The following CAST variants were observed in gnomAD, a reference collection of about 807,000 sequenced individuals.
CAST encodes the protein MIR583 host.
In CAST, 76 loss-of-function variants were observed where a neutral mutation model predicts 119.6. That is an observed-to-expected ratio of 0.64 (90% CI 0.53 to 0.77). The LOEUF (loss-of-function observed/expected upper bound fraction) is 0.77, where lower values mean the gene tolerates loss of function less well. Ranked by LOEUF, CAST falls within the 30% of genes least tolerant of loss-of-function variation. The probability of loss-of-function intolerance (pLI) is 0.00; values close to 1 mark genes in which losing one functional copy is unlikely to be tolerated. For synonymous variants in CAST, 319 were observed against 331.6 expected, an observed-to-expected ratio of 0.96 and a Z score of 0.41; for missense variants, 953 against 946.5, an observed-to-expected ratio of 1.01 and a Z score of -0.09.
At chr5:96,133,961 T>TG in the CAST span, among the ~76,000 whole-genome samples, 1 of 152,296 alleles carries the variant, frequency 6.6e-6, no homozygotes. Flanking sequence ...CAAGGTTCTG[T>TG]GAGAGGTTTT....
intron 2 of CAST, among the ~76,000 whole-genome samples, chr5:96,677,391 A>G (rs1247521170): frequency 6.6e-6 from 1 of 152,230 alleles, no homozygotes; most frequent in Non-Finnish European, 1.5e-5. Flanking sequence ...TACAGGCATT[A>G]TTGGTATGTA....
chr5:96,435,099 A>T, the CAST span, among the ~76,000 whole-genome samples: 1 of 152,192 alleles, frequency 6.6e-6, no homozygotes, highest in Non-Finnish European at 1.5e-5. Context: ...TTCTCACAGC[A>T]GACAGACACT....
the CAST span, among the ~76,000 whole-genome samples, chr5:96,094,234 T>C: frequency 6.6e-6 from 1 of 152,204 alleles, no homozygotes; most frequent in African/African-American, 2.4e-5. Flanking sequence ...CTCTGACTAA[T>C]AATGTAGTCA....
chr5:96,123,252 A>G, the CAST span, among the ~76,000 whole-genome samples: 1 of 152,164 alleles, frequency 6.6e-6, no homozygotes, highest in African/African-American at 2.4e-5. Flanking sequence ...CCATTATTTT[A>G]TCATGTTCTT....
the CAST span, among the ~76,000 whole-genome samples, chr5:96,024,278 AT>A: frequency 6.6e-6 from 1 of 152,366 alleles, no homozygotes; most frequent in African/African-American, 2.4e-5. Flanking sequence ...GGCTAAAAAA[AT>A]AATCCAGAAG....
intron 1 of CAST, among the ~76,000 whole-genome samples, chr5:96,641,632 T>C (rs1225475780): frequency 6.6e-6 from 1 of 152,172 alleles, no homozygotes; most frequent in African/African-American, 2.4e-5. Context: ...GCTAGTGTGT[T>C]CCAGCCATGC....
At chr5:96,424,527 A>G in the CAST span, among the ~76,000 whole-genome samples, 49 of 152,318 alleles carry the variant, frequency 3.2e-4, no homozygotes, top group Non-Finnish European at 5.0e-4. Context: ...AATGGGCATA[A>G]TTACTATTTC....
chr5:96,375,453 C>T, the CAST span, among the ~76,000 whole-genome samples: 2 of 150,146 alleles, frequency 1.3e-5, no homozygotes, highest in Non-Finnish European at 3.0e-5. Flanking sequence ...TTACTATGCA[C>T]ATGAGTTTAC....
the CAST span, among the ~76,000 whole-genome samples, chr5:96,353,117 T>G: frequency 3.0e-5 from 4 of 134,938 alleles, no homozygotes; most frequent in East Asian, 4.3e-4. Flanking sequence ...AAATACTGAT[T>G]GATAAAAAAA....
chr5:96,290,131 C>T, the CAST span, among the ~76,000 whole-genome samples: 1 of 152,118 alleles, frequency 6.6e-6, no homozygotes. Context: ...GAAACATAAC[C>T]TACATTAATT....
intron 1 of CAST, among the ~76,000 whole-genome samples, chr5:96,656,944 T>TA (rs1554072792): frequency 0.14 from 21,769 of 150,794 alleles, 2,893 homozygotes; most frequent in African/African-American, 0.36. Flanking sequence ...TTTTCTTAAT[T>TA]AAAAAAAAAC....
chr5:96,068,395 C>T, the CAST span, among the ~76,000 whole-genome samples: 3 of 152,036 alleles, frequency 2.0e-5, no homozygotes, highest in Non-Finnish European at 2.9e-5. Context: ...TGCTCCACCC[C>T]GCTAGAACTT....
intron 1 of CAST, among the ~76,000 whole-genome samples, chr5:96,547,645 T>C (rs1359323587): frequency 6.6e-6 from 1 of 152,206 alleles, no homozygotes; most frequent in Non-Finnish European, 1.5e-5. Flanking sequence ...CTCGGAGTAG[T>C]TGACATATAA....
the CAST span, among the ~76,000 whole-genome samples, chr5:96,228,867 A>G: frequency 6.6e-6 from 1 of 152,218 alleles, no homozygotes; most frequent in Non-Finnish European, 1.5e-5. Flanking sequence ...CTAAAGAGTA[A>G]TAATAAAATA....
chr5:96,260,107 T>C, the CAST span, among the ~76,000 whole-genome samples: 1 of 151,996 alleles, frequency 6.6e-6, no homozygotes, highest in African/African-American at 2.4e-5. Context: ...TTTCCTGGGC[T>C]CCACCCACAG....
chr5:96,387,102 G>T, the CAST span, among the ~76,000 whole-genome samples: 1 of 152,196 alleles, frequency 6.6e-6, no homozygotes, highest in Non-Finnish European at 1.5e-5. Context: ...GCCCAGAAAG[G>T]TGAGGTAACC....
intron 1 of CAST, among the ~76,000 whole-genome samples, chr5:96,598,248 C>A (rs1337710401): frequency 6.6e-6 from 1 of 152,186 alleles, no homozygotes; most frequent in Non-Finnish European, 1.5e-5. Flanking sequence ...CCATCAATTT[C>A]CTTTGGTGCC....
chr5:96,530,643 G>C (rs751373351), intron 1 of CAST, among the ~76,000 whole-genome samples: 3 of 152,136 alleles, frequency 2.0e-5, no homozygotes, highest in Non-Finnish European at 4.4e-5. Context: ...GCCCACAGAA[G>C]AGTCAGCCCA....
the CAST span, among the ~76,000 whole-genome samples, chr5:96,503,237 A>G: frequency 4.3e-4 from 65 of 152,110 alleles, no homozygotes; most frequent in Non-Finnish European, 5.9e-5. Context: ...TTTCACTTAT[A>G]TGTCCTTACC....
Sources: allele counts gnomAD v4.1 joint callset (sites outside exome capture counted in the v4.1 genomes callset), GRCh38; gene constraint gnomAD v4.1.1; transcripts MANE v1.5; gene names NCBI Gene and HGNC (gene_info 2026-07-23, HGNC 2026-07-21).